The following SMOC2 variants were observed in gnomAD, a reference collection of about 807,000 sequenced individuals.
SMOC2 encodes the protein SPARC-related modular calcium-binding protein 2.
Under a neutral mutation model 61.4 loss-of-function variants are expected in SMOC2, and 39 were observed. The observed-to-expected ratio is 0.64, with a 90% CI of 0.49 to 0.83. SMOC2 has a LOEUF of 0.83. SMOC2 is among the 40% of genes least tolerant of loss of function. The pLI is 0.00. For missense variants in SMOC2, 556 were observed against 592.9 expected (o/e 0.94, Z 0.65); for synonymous variants, 247 against 239.9 (o/e 1.03, Z -0.27).
intron 2 of SMOC2, among the ~76,000 whole-genome samples, chr6:168,524,848 T>A (rs955975420): frequency 6.6e-6 from 1 of 152,224 alleles, no homozygotes; most frequent in Non-Finnish European, 1.5e-5. Flanking sequence ...ATGTGGCCGG[T>A]GGTTCTGCAA....
chr6:168,646,473 T>G (rs1194362445), intron 9 of SMOC2, among the ~76,000 whole-genome samples: 1 of 152,246 alleles, frequency 6.6e-6, no homozygotes, highest in Non-Finnish European at 1.5e-5. Flanking sequence ...GCTGGGAACT[T>G]GTATCCATTT....
chr6:168,489,459 G>A (rs1265651888), intron 1 of SMOC2, among the ~76,000 whole-genome samples: 4 of 130,342 alleles, frequency 3.1e-5, no homozygotes, highest in African/African-American at 8.7e-5. Flanking sequence ...ATATTGAATC[G>A]TCTGGGTCCC....
chr6:168,559,673 A>C (rs1784349647), intron 7 of SMOC2, among the ~76,000 whole-genome samples: 2 of 152,166 alleles, frequency 1.3e-5, no homozygotes, highest in Admixed American at 6.5e-5. Context: ...CTGCCAGCCA[A>C]GGTGCACCCA....
At chr6:168,492,191 A>G (rs891254446) in intron 1 of SMOC2, among the ~76,000 whole-genome samples, 2 of 152,250 alleles carry the variant, frequency 1.3e-5, no homozygotes, top group Non-Finnish European at 2.9e-5. Context: ...TCTAAATGAG[A>G]AAAGTCAGTT....
At chr6:168,504,616 G>T (rs1782817957) in intron 1 of SMOC2, among the ~76,000 whole-genome samples, 1 of 152,010 alleles carries the variant, frequency 6.6e-6, no homozygotes, top group Non-Finnish European at 1.5e-5. Context: ...CTCTGCCTTA[G>T]GTCATCTTTT....
intron 9 of SMOC2, among the ~76,000 whole-genome samples, chr6:168,634,235 T>C (rs999614168): frequency 6.6e-6 from 1 of 152,190 alleles, no homozygotes; most frequent in Non-Finnish European, 1.5e-5. Flanking sequence ...ACTGGCTACT[T>C]CATGGCTGAG....
At chr6:168,451,315 C>A (rs1436738319) in intron 1 of SMOC2, among the ~76,000 whole-genome samples, 1 of 152,192 alleles carries the variant, frequency 6.6e-6, no homozygotes, top group African/African-American at 2.4e-5. Flanking sequence ...GAACGTTGTC[C>A]CATGAGCTCT....
intron 8 of SMOC2, among the ~76,000 whole-genome samples, chr6:168,601,879 G>A (rs192927913): frequency 3.3e-5 from 5 of 152,246 alleles, no homozygotes; most frequent in South Asian, 2.1e-4. Flanking sequence ...GCTTCATTCC[G>A]CTGTCATGGC....
intron 2 of SMOC2, among the ~76,000 whole-genome samples, chr6:168,518,381 G>T (rs1195934015): frequency 2.0e-5 from 3 of 151,184 alleles, no homozygotes; most frequent in African/African-American, 7.3e-5. Flanking sequence ...TGTGCATTGT[G>T]TGCATGTGTG....
chr6:168,640,114 C>T (rs1037709571), intron 9 of SMOC2, among the ~76,000 whole-genome samples: 1 of 152,106 alleles, frequency 6.6e-6, no homozygotes, highest in Non-Finnish European at 1.5e-5. Flanking sequence ...CTGGTCAGCC[C>T]TGGTCAGCCC....
chr6:168,590,889 G>A (rs750514664), intron 7 of SMOC2, among the ~76,000 whole-genome samples: 1 of 152,070 alleles, frequency 6.6e-6, no homozygotes, highest in African/African-American at 2.4e-5. Context: ...TTTGGGAAAC[G>A]AACTCATATT....
At chr6:168,655,787 A>G (rs922985600) in intron 11 of SMOC2, among the ~76,000 whole-genome samples, 1 of 152,180 alleles carries the variant, frequency 6.6e-6, no homozygotes, top group African/African-American at 2.4e-5. Flanking sequence ...TGTGTGCCAG[A>G]TTCCCCTTCA....
intron 1 of SMOC2, among the ~76,000 whole-genome samples, chr6:168,461,527 G>A (rs865983645): frequency 5.3e-5 from 8 of 152,066 alleles, no homozygotes; most frequent in Admixed American, 4.6e-4. Flanking sequence ...CCAAACTAAG[G>A]TTTAATCTTT....
At chr6:168,445,880 A>G (rs1433564392) in intron 1 of SMOC2, among the ~76,000 whole-genome samples, 1 of 152,166 alleles carries the variant, frequency 6.6e-6, no homozygotes. Context: ...CCCTAACAAG[A>G]CCATGCAGCC....
chr6:168,487,516 T>G (rs1297979381), intron 1 of SMOC2, among the ~76,000 whole-genome samples: 2 of 152,186 alleles, frequency 1.3e-5, no homozygotes, highest in African/African-American at 4.8e-5. Flanking sequence ...ACCTTTTTTC[T>G]TTTTTTGAGA....
At chr6:168,456,453 G>C (rs1347123052) in intron 1 of SMOC2, among the ~76,000 whole-genome samples, 1 of 152,318 alleles carries the variant, frequency 6.6e-6, no homozygotes, top group South Asian at 2.1e-4. Context: ...CCTCGCAGTG[G>C]GTTCCGTTCA....
chr6:168,457,141 C>G (rs909163990), intron 1 of SMOC2, among the ~76,000 whole-genome samples: 4 of 152,242 alleles, frequency 2.6e-5, no homozygotes, highest in Non-Finnish European at 5.9e-5. Flanking sequence ...CCCTCTCCAG[C>G]TCTCCCTTCC....
Position 168,521,073 on chromosome 6 carries a change from C to T in SMOC2, c.257-5273C>T, listed in dbSNP as rs78791848. ...TTTCCGTTTAAAAGAAAACACTCAT[C>T]ATAAGTAACCATTATAAAACACTGT... On this transcript the variant is annotated intron_variant, in intron 2 of 12. Coordinates refer to ENST00000356284, the MANE Select transcript of SMOC2 (RefSeq NM_001166412.2). 3.2e-3 allele frequency among the ~76,000 whole-genome samples: 485 copies of T among 152,362 alleles called. 6 individuals are homozygous for T. The East Asian group carries it at 0.032, about 10-fold the overall frequency.
At chr6:168,636,400 T>C (rs1786720827) in intron 9 of SMOC2, among the ~76,000 whole-genome samples, 1 of 152,242 alleles carries the variant, frequency 6.6e-6, no homozygotes, top group South Asian at 2.1e-4. Context: ...GCAATCAGCC[T>C]TCTCCTAAAT....
Sources: allele counts gnomAD v4.1 joint callset (sites outside exome capture counted in the v4.1 genomes callset), GRCh38; gene constraint gnomAD v4.1.1; transcripts MANE v1.5; gene names NCBI Gene and HGNC (gene_info 2026-07-23, HGNC 2026-07-21).